The following MVD variants were observed in gnomAD, a reference collection of about 807,000 sequenced individuals.
MVD encodes diphosphomevalonate decarboxylase.
A neutral mutation model predicts 42.4 loss-of-function variants in MVD; 52 were observed. That is an observed-to-expected ratio of 1.23 (90% confidence interval 0.98 to 1.55). The LOEUF is 1.55. MVD is among the 40% of genes most tolerant of loss of function. MVD has a pLI of 0.00. For synonymous variants in MVD, 287 were observed against 243.2 expected (o/e 1.18, Z -1.68); for missense variants, 663 against 572.1 (o/e 1.16, Z -1.62).
intron 1 of MVD, 41 bp downstream of exon 1, chr16:88,662,970 C>T (rs1388561629): frequency 6.3e-7 from 1 of 1,576,226 alleles, no homozygotes; most frequent in Non-Finnish European, 8.6e-7. Context: ...CCCGGCCTCG[C>T]TCCCGGCCAT....
intron 1 of MVD, among the ~76,000 whole-genome samples, chr16:88,659,605 A>C (rs1047738369): frequency 6.6e-6 from 1 of 152,156 alleles, no homozygotes; most frequent in South Asian, 2.1e-4. Context: ...AGCCCTGCAG[A>C]AGCTGGAACT....
intron 8 of MVD, among the ~76,000 whole-genome samples, chr16:88,654,397 C>T (rs1907773466): frequency 6.6e-6 from 1 of 152,220 alleles, no homozygotes; most frequent in South Asian, 2.1e-4. Context: ...AGCCACTGTT[C>T]TATAGAATAA....
intron 8 of MVD, among the ~76,000 whole-genome samples, chr16:88,653,925 TA>T (rs1907740273): frequency 6.6e-6 from 1 of 151,912 alleles, no homozygotes; most frequent in Non-Finnish European, 1.5e-5. Flanking sequence ...CCCTGACCAT[TA>T]GAAGGTGTTA....
At chr16:88,662,811 C>G in intron 1 of MVD, 200 bp downstream of exon 1, 16 of 1,465,686 alleles carry the variant, frequency 1.1e-5, no homozygotes, top group Non-Finnish European at 1.3e-5. Flanking sequence ...CGCGGGGGAA[C>G]GGGTGGCGCC....
chr16:88,654,927 A>T, intron 7 of MVD, 120 bp from the exon 8 acceptor site: 1 of 1,026,920 alleles, frequency 9.7e-7, no homozygotes, highest in Admixed American at 2.9e-5. Flanking sequence ...CCTCAGGGCC[A>T]CACTGGAGTG....
chr16:88,661,981 TAGAA>T lies in MVD; in HGVS notation c.70+1026_70+1029del, dbSNP rs1042342668. The stretch of plus-strand genomic sequence containing the variant: ...ACACACACAAACATACATATATACA[TAGAA>T]AGAGAGAGAGAGACAGAGAGGCATA... On this transcript the variant is annotated intron_variant, in intron 1 of 9. Transcript: ENST00000301012. 1.4e-3 allele frequency: 206 copies of T among 150,258 alleles called. 3 individuals are homozygous for T. The highest frequency in any genetic ancestry group is 4.7e-3 in the African/African-American group (191 of 40,786). The allele number at this position is 150,258 out of a possible 1,614,324, so 9.3% of individuals were successfully genotyped here. A position where few individuals can be genotyped will look rare whatever the true frequency, so the allele number is the denominator to read the frequency against.
Position 88,652,447 on chromosome 16 carries a change from G to T in MVD, c.*78C>A. 2 of 1,481,918 alleles carry T rather than the reference G, an allele frequency of 1.3e-6. No homozygotes were observed. The highest frequency in any genetic ancestry group is 9.2e-7 in the Non-Finnish European group (1 of 1,086,760). The allele number at this position is 1,481,918 out of a possible 1,614,324, so 91.8% of individuals were successfully genotyped here. A position where few individuals can be genotyped will look rare whatever the true frequency, so the allele number is the denominator to read the frequency against. ...ACCACCCACATGTCCCAGGAGTCCG[G>T]CCAGCCCACCACATCCGCTCCCTAG... On this transcript the variant is annotated 3_prime_UTR_variant, in exon 10 of 10. Coordinates refer to ENST00000301012, the MANE Select transcript of MVD (RefSeq NM_002461.3).
rs116232108 is a variant in MVD, at chr16:88,657,940, C to T, written c.231G>A (p.Pro77=). ...LNGREEDVGQ[P]RLQACLREIR... ...TCTCCCGCAGGCAGGCCTGCAGCCG[C>T]GGCTGCCCCACATCCTCCTCCCGGC... The change falls in exon 3 of 10, where the codon CCG becomes CCA. Residue 77 remains proline, a synonymous_variant. Coordinates refer to ENST00000301012, the MANE Select transcript of MVD (RefSeq NM_002461.3). 1.8e-3 allele frequency: 2,851 copies of T among 1,613,740 alleles called. 26 individuals carry two copies. The African/African-American group carries it at 0.029, about 17-fold the overall frequency.
At position 88,655,119 on chromosome 16, in the gene MVD, C is replaced by T. The variant is rs933275210; in HGVS notation, c.897+80G>A. ...CACAGATTGCCCTGCACGCGAGCCC[C>T]GGGGCCGTCTCCACGGCAGCACAAG... On this transcript the variant is annotated intron_variant, in intron 7 of 9. Transcript: ENST00000301012. 7.4e-5 allele frequency: 109 copies of T among 1,478,988 alleles called. No homozygotes were observed. In the East Asian group the frequency reaches 2.0e-3, roughly 27 times the overall value. 91.6% of individuals were successfully genotyped at this position (1,478,988 alleles called of 1,614,324 possible).
intron 8 of MVD, 55 bp from the exon 9 acceptor site, chr16:88,653,463 A>T: frequency 7.1e-7 from 1 of 1,398,640 alleles, no homozygotes; most frequent in Non-Finnish European, 9.7e-7. Flanking sequence ...AAGCGTCTAC[A>T]ACAGTCTACA....
chr16:88,659,279 G>A (rs1409563237), intron 1 of MVD: 2 of 171,792 alleles, frequency 1.2e-5, no homozygotes, highest in Admixed American at 1.1e-4. Flanking sequence ...TTGTGCGAGG[G>A]GAGGTCTCTG....
rs769879834 is a variant in MVD, at chr16:88,655,206, T to C, written c.890A>G (p.Asp297Gly). Reference protein sequence around the residue: ...LVHRFNAHHGDTKVAYTFDAG... With the variant: ...LVHRFNAHHGGTKVAYTFDAG... ...CCTCCCGGCCCGCGTCACCTTGGTGTCCCCGTGGTGGGCGTTGAAGCGGTG... is the reference window on the plus strand; with the variant it reads ...CCTCCCGGCCCGCGTCACCTTGGTGCCCCCGTGGTGGGCGTTGAAGCGGTG... Residue 297 changes from aspartate to glycine, a missense_variant, in exon 7 of 10, where the codon GAC becomes GGC. Coordinates refer to ENST00000301012, the MANE Select transcript of MVD (RefSeq NM_002461.3). 1.1e-5 allele frequency: 17 copies of C among 1,560,986 alleles called. 1 individual carries two copies. In the South Asian group the frequency reaches 1.9e-4, roughly 17 times the overall value.
intron 1 of MVD, 73 bp from the exon 2 acceptor site, chr16:88,658,793 C>G: frequency 9.7e-7 from 1 of 1,034,364 alleles, no homozygotes; most frequent in Admixed American, 2.4e-5. Flanking sequence ...CACAGGTGCC[C>G]CCACCCCCCA....
chr16:88,657,989 G>A lies in MVD; in HGVS notation c.182C>T (p.Thr61Ile). ...TTTAVISKDF[T>I]EDRIWLNGRE... ...GCCATTCAGCCAAATCCGGTCCTCG[G>A]TGAAGTCCTTGCTGATGACGGCTGT... The change falls in exon 3 of 10, where the codon ACC becomes ATC. Residue 61 changes from threonine to isoleucine, a missense_variant. By Grantham distance (89) the Thr-to-Ile change is moderately conservative. Coordinates refer to ENST00000301012, the MANE Select transcript of MVD (RefSeq NM_002461.3). The A allele has an allele frequency of 1.2e-6, 2 of 1,614,080 alleles. No homozygotes were observed. The highest frequency in any genetic ancestry group is 1.7e-6 in the Non-Finnish European group (2 of 1,180,038).
intron 8 of MVD, among the ~76,000 whole-genome samples, chr16:88,653,836 G>A (rs1342702232): frequency 2.6e-5 from 4 of 152,072 alleles, no homozygotes; most frequent in African/African-American, 7.2e-5. Context: ...AGCCCCACCC[G>A]GAGCAGCAGC....
At chr16:88,653,114 G>C (rs76532023) in intron 9 of MVD, among the ~76,000 whole-genome samples, 186 bp downstream of exon 9, 2 of 152,112 alleles carry the variant, frequency 1.3e-5, no homozygotes, top group Non-Finnish European at 2.9e-5. Flanking sequence ...CTGCTGCTCT[G>C]AGCATCACCA....
chr16:88,660,283 G>T (rs1001260161), intron 1 of MVD, among the ~76,000 whole-genome samples: 9 of 152,186 alleles, frequency 5.9e-5, no homozygotes, highest in African/African-American at 2.2e-4. Context: ...TCAAAAACCA[G>T]CTCAAACGTA....
chr16:88,653,051 C>G (rs919909786), intron 9 of MVD, among the ~76,000 whole-genome samples: 4 of 152,190 alleles, frequency 2.6e-5, no homozygotes, highest in African/African-American at 7.2e-5. Context: ...ATACTCCCCA[C>G]CTGTCTCCCT....
intron 4 of MVD, chr16:88,656,671 G>A (rs967585683): frequency 1.9e-5 from 7 of 360,092 alleles, no homozygotes; most frequent in African/African-American, 1.0e-4. Flanking sequence ...GGCAGGGACC[G>A]ATGCCAGGAC....
Sources: allele counts gnomAD v4.1 joint callset (sites outside exome capture counted in the v4.1 genomes callset), GRCh38; gene constraint gnomAD v4.1.1; transcripts MANE v1.5; gene names NCBI Gene and HGNC (gene_info 2026-07-23, HGNC 2026-07-21).